The following TTLL5 variants were observed in gnomAD, a reference collection of about 807,000 sequenced individuals.
TTLL5 encodes the protein tubulin tyrosine ligase like 5.
A neutral mutation model predicts 168.4 loss-of-function variants in TTLL5; 132 were observed. The observed-to-expected ratio is 0.78, with a 90% CI of 0.68 to 0.91. The LOEUF (loss-of-function observed/expected upper bound fraction) is 0.91. Among genes scored for constraint, TTLL5 ranks in the 40% least tolerant of loss-of-function variants. TTLL5 has a pLI of 0.00. For synonymous variants in TTLL5, 546 were observed against 558.6 expected, an observed-to-expected ratio of 0.98 and a Z score of 0.32; for missense variants, 1,545 against 1,581.5, an observed-to-expected ratio of 0.98 and a Z score of 0.39.
chr14:75,925,341 G>A (rs1249304009), intron 31 of TTLL5, among the ~76,000 whole-genome samples: 2 of 151,210 alleles, frequency 1.3e-5, no homozygotes, highest in Non-Finnish European at 2.9e-5. Flanking sequence ...CTCAGATGGG[G>A]CGGCCTGGCA....
rs1328879361 is a variant in TTLL5 at position 75,764,712 on chromosome 14, G to C, written c.1648G>C (p.Glu550Gln). The change falls in exon 19 of 32, where the codon GAG becomes CAG. Residue 550 changes from glutamate (E) to glutamine (Q), a missense_variant. By Grantham distance (29) the Glu-to-Gln change is conservative. Transcript: ENST00000298832. ...ALYERKLLSL[E>Q]VRKRRRRSSR... The stretch of plus-strand genomic sequence containing the variant: ...TTACGAGAGGAAGCTCCTGTCTCTG[G>C]AGGTGCGAAAACGTAGACGACGGAG... 6.2e-7 allele frequency: 1 copy of C among 1,614,132 alleles called. No homozygotes were observed. Among genetic ancestry groups the C allele is most frequent in the Non-Finnish European group, 8.5e-7 (1 of 1,180,006 alleles).
At chr14:75,921,285 C>A (rs1171103808) in intron 31 of TTLL5, among the ~76,000 whole-genome samples, 2 of 152,128 alleles carry the variant, frequency 1.3e-5, no homozygotes, top group Admixed American at 1.3e-4. Flanking sequence ...GTGTTTTAGT[C>A]ATGAAGTCCT....
intron 26 of TTLL5, among the ~76,000 whole-genome samples, chr14:75,791,832 A>G (rs1798534793): frequency 6.6e-6 from 1 of 152,178 alleles, no homozygotes; most frequent in Admixed American, 6.5e-5. Context: ...AATAGGTTAT[A>G]TTATTTCTAC....
At chr14:75,777,284 A>G (rs1388772138) in intron 23 of TTLL5, among the ~76,000 whole-genome samples, 1 of 152,226 alleles carries the variant, frequency 6.6e-6, no homozygotes, top group Non-Finnish European at 1.5e-5. Context: ...AGTTGAAATT[A>G]GAGGCATCTC....
Position 75,863,871 on chromosome 14 carries a change from A to G in TTLL5, c.3522+9A>G. 1.6e-6 allele frequency: 2 copies of G among 1,286,024 alleles called. No homozygotes were observed. Among genetic ancestry groups the G allele is most frequent in the Non-Finnish European group, 2.1e-6 (2 of 946,408 alleles). 79.7% of individuals were successfully genotyped at this position (1,286,024 alleles called of 1,614,324 possible). On this transcript the variant is annotated intron_variant, in intron 29 of 31. Transcript: ENST00000298832. ...GTCGAGCCCGGCACCAGGTAATTCAAGATAAGTCTTTTCCATGTGTTATAT... is the reference window on the plus strand; with the variant it reads ...GTCGAGCCCGGCACCAGGTAATTCAGGATAAGTCTTTTCCATGTGTTATAT...
chr14:75,891,139 C>G (rs1349276533), intron 30 of TTLL5, among the ~76,000 whole-genome samples: 1 of 152,244 alleles, frequency 6.6e-6, no homozygotes, highest in Non-Finnish European at 1.5e-5. Flanking sequence ...TCTTCATACT[C>G]TATCACCGCT....
At chr14:75,799,650 T>C (rs1595061086) in intron 27 of TTLL5, among the ~76,000 whole-genome samples, 1 of 152,212 alleles carries the variant, frequency 6.6e-6, no homozygotes, top group Non-Finnish European at 1.5e-5. Flanking sequence ...GCAGTTTGTG[T>C]AGTGCTGGCT....
rs931891692 is a variant in TTLL5, at chr14:75,676,767, A to C, written c.182-4778A>C. On this transcript the variant is annotated intron_variant, in intron 3 of 31. Transcript: ENST00000298832. ...GGAGAAATAATATTGATAGCATTTT[A>C]CTTTTTTTTTTTTTTTTTTCTGAAA... Among the ~76,000 whole-genome samples the C allele has an allele frequency of 1.5e-3, 212 of 144,456 alleles. 1 individual carries two copies. Among genetic ancestry groups the C allele is most frequent in the African/African-American group, 5.1e-3 (206 of 40,134 alleles). 94.8% of individuals were successfully genotyped at this position (144,456 alleles called of 152,430 possible).
intron 28 of TTLL5, among the ~76,000 whole-genome samples, chr14:75,841,021 C>T (rs967727663): frequency 6.6e-6 from 1 of 152,118 alleles, no homozygotes; most frequent in African/African-American, 2.4e-5. Context: ...GGGCAAGAAA[C>T]GGGAGATCCC....
chr14:75,918,720 A>G (rs1028690737), intron 31 of TTLL5, among the ~76,000 whole-genome samples: 1 of 152,208 alleles, frequency 6.6e-6, no homozygotes, highest in African/African-American at 2.4e-5. Flanking sequence ...TAAATTATTT[A>G]CTATTTGATT....
chr14:75,927,607 T>TC (rs1184608664), intron 31 of TTLL5, among the ~76,000 whole-genome samples: 22 of 152,172 alleles, frequency 1.4e-4, no homozygotes, highest in African/African-American at 5.3e-4. Flanking sequence ...TTTGACTGCC[T>TC]CCCGTGTGTG....
At chr14:75,756,919 CTTAGT>C (rs1226235740) in intron 18 of TTLL5, among the ~76,000 whole-genome samples, 2 of 152,044 alleles carry the variant, frequency 1.3e-5, no homozygotes, top group African/African-American at 2.4e-5. Context: ...AGAGCCCAGT[CTTAGT>C]TTAGAGACAA....
In TTLL5 at chr14:75,863,657, T is replaced by C. The variant is rs1267944217; in HGVS notation, c.3327-10T>C. ...CTCACTCTAAGAAACCTGCTTGCTT[T>C]TCTCTTCAGGAGCCTGCAGACAGGG... On this transcript the variant is annotated splice_polypyrimidine_tract_variant and intron_variant, in intron 28 of 31. Coordinates refer to ENST00000298832, the MANE Select transcript of TTLL5 (RefSeq NM_015072.5). 2.5e-6 allele frequency: 4 copies of C among 1,587,960 alleles called. No individual in the cohort carries two copies. Among genetic ancestry groups the C allele is most frequent in the Non-Finnish European group, 3.4e-6 (4 of 1,167,954 alleles).
chr14:75,926,559 A>C (rs562732627), intron 31 of TTLL5, among the ~76,000 whole-genome samples: 1 of 152,242 alleles, frequency 6.6e-6, no homozygotes, highest in Non-Finnish European at 1.5e-5. Context: ...CAAATGACCA[A>C]TGAAAAGATG....
chr14:75,713,479 G>A (rs1887234761), intron 9 of TTLL5, among the ~76,000 whole-genome samples: 1 of 152,194 alleles, frequency 6.6e-6, no homozygotes, highest in South Asian at 2.1e-4. Context: ...GCATTTCTCA[G>A]AGCATATCCC....
At chr14:75,881,044 G>A (rs566366536) in intron 29 of TTLL5, among the ~76,000 whole-genome samples, 158 of 152,206 alleles carry the variant, frequency 1.0e-3, no homozygotes, top group African/African-American at 3.7e-3. Flanking sequence ...CTCTTGGGTC[G>A]CTGGGACTAC....
At chr14:75,772,389 T>C (rs945678251) in intron 21 of TTLL5, among the ~76,000 whole-genome samples, 1 of 152,148 alleles carries the variant, frequency 6.6e-6, no homozygotes, top group East Asian at 1.9e-4. Flanking sequence ...TCCTGAGGAG[T>C]CAAATTAGCT....
chr14:75,772,198 A>G (rs1051533544), intron 21 of TTLL5, among the ~76,000 whole-genome samples: 1 of 152,180 alleles, frequency 6.6e-6, no homozygotes. Flanking sequence ...TCTTTTCTCA[A>G]GCAACCTCAC....
chr14:75,895,328 C>T (rs1002822077), intron 30 of TTLL5, among the ~76,000 whole-genome samples: 8 of 152,136 alleles, frequency 5.3e-5, no homozygotes, highest in Non-Finnish European at 8.8e-5. Context: ...TCACAGCTCA[C>T]AGCCTGAAAA....
Sources: allele counts gnomAD v4.1 joint callset (sites outside exome capture counted in the v4.1 genomes callset), GRCh38; gene constraint gnomAD v4.1.1; transcripts MANE v1.5; gene names NCBI Gene and HGNC (gene_info 2026-07-23, HGNC 2026-07-21).